KDM4B: variants seen among roughly 807,000 people sequenced by gnomAD.
The protein encoded by KDM4B is lysine-specific demethylase 4B.
Under a neutral mutation model 125.2 loss-of-function variants are expected in KDM4B, and 32 were observed. That is an observed-to-expected ratio of 0.26 (90% CI 0.19 to 0.34). The LOEUF is 0.34. KDM4B is among the 10% of genes least tolerant of loss of function. KDM4B has a pLI of 1.00. For synonymous variants in KDM4B, 721 were observed against 677.9 expected (o/e 1.06, Z -0.99); for missense variants, 1,190 against 1,577.7 (o/e 0.75, Z 4.16).
chr19:5,059,606 G>A (rs1301430142), intron 6 of KDM4B, among the ~76,000 whole-genome samples: 2 of 152,194 alleles, frequency 1.3e-5, no homozygotes, highest in South Asian at 4.1e-4. Flanking sequence ...CATGGCCATC[G>A]GCCTGTGTGT....
chr19:5,131,328 G>A lies in KDM4B; in HGVS notation c.1568G>A (p.Arg523Gln), dbSNP rs539215011. Residue 523 changes from arginine to glutamine, a missense_variant, in exon 12 of 23, where the codon CGG (arginine) becomes CAG (glutamine). This residue lies in a region of KDM4B where 428 missense variants were observed against 405.1 expected (regional missense o/e 1.06). Coordinates refer to ENST00000159111, the MANE Select transcript of KDM4B (RefSeq NM_015015.3). ...VPSEELEAKP[R>Q]PIIPMLYVVP... ...AGTGAGGAGCTAGAGGCCAAGCCTC[G>A]GCCCATCATCCCCATGCTGTACGTG... is the stretch of plus-strand genomic sequence containing the variant. The A allele has an allele frequency of 1.2e-5, 20 of 1,612,114 alleles. No individual in the cohort carries two copies. Among genetic ancestry groups the A allele is most frequent in the East Asian group, 4.5e-5 (2 of 44,726 alleles).
At chr19:5,105,798 C>G (rs866356449) in intron 9 of KDM4B, among the ~76,000 whole-genome samples, 1 of 152,192 alleles carries the variant, frequency 6.6e-6, no homozygotes, top group Non-Finnish European at 1.5e-5. Context: ...CCGTGCATTC[C>G]CCATCTTGAA....
At chr19:5,090,180 C>T (rs879717268) in intron 9 of KDM4B, among the ~76,000 whole-genome samples, 3 of 152,100 alleles carry the variant, frequency 2.0e-5, no homozygotes, top group Non-Finnish European at 2.9e-5. Context: ...GGGTCCTAGC[C>T]CCTGGGTCTG....
At chr19:5,099,944 A>C (rs764981856) in intron 9 of KDM4B, among the ~76,000 whole-genome samples, 14 of 152,258 alleles carry the variant, frequency 9.2e-5, no homozygotes, top group Non-Finnish European at 1.9e-4. Context: ...ATGGTTAGGC[A>C]ACAAAGTAGA....
chr19:5,006,934 C>T (rs1192917151), intron 1 of KDM4B, among the ~76,000 whole-genome samples: 3 of 152,112 alleles, frequency 2.0e-5, no homozygotes, highest in Admixed American at 6.5e-5. Context: ...AGTGACTCAA[C>T]GAGGAGCACC....
intron 3 of KDM4B, among the ~76,000 whole-genome samples, chr19:5,034,429 T>A (rs550231642): frequency 6.6e-6 from 1 of 152,360 alleles, no homozygotes; most frequent in South Asian, 2.1e-4. Context: ...TGAATGAAAG[T>A]GCACGGCCCT....
intron 6 of KDM4B, chr19:5,070,802 T>C: frequency 1.9e-6 from 1 of 517,592 alleles, no homozygotes; most frequent in Non-Finnish European, 3.5e-6. Flanking sequence ...CACTCCCCGC[T>C]CCTCCACCTG....
At chr19:5,019,110 G>A (rs1186181153) in intron 2 of KDM4B, among the ~76,000 whole-genome samples, 1 of 149,676 alleles carries the variant, frequency 6.7e-6, no homozygotes, top group Admixed American at 6.7e-5. Flanking sequence ...GCAGGTGTTG[G>A]TGTGGGTGTT....
At chr19:5,077,657 G>A (rs1442900333) in intron 8 of KDM4B, 187 bp downstream of exon 8, 2 of 575,862 alleles carry the variant, frequency 3.5e-6, no homozygotes, top group South Asian at 4.2e-5. Flanking sequence ...GGGAAGCGAA[G>A]ATGGCAGAGC....
intron 9 of KDM4B, among the ~76,000 whole-genome samples, chr19:5,091,185 T>C (rs1306187018): frequency 2.6e-5 from 4 of 152,218 alleles, no homozygotes; most frequent in Non-Finnish European, 5.9e-5. Flanking sequence ...TGGTGCCTGG[T>C]GCTGGTAGAT....
rs1357363769 is a variant in KDM4B, at chr19:5,032,844, CCT to C, written c.-25-16_-25-15del. The C allele has an allele frequency of 1.2e-6, 2 of 1,604,206 alleles. No homozygotes were observed. Among genetic ancestry groups the C allele is most frequent in the Middle Eastern group, 1.7e-4 (1 of 5,764 alleles). On this transcript the variant is annotated intron_variant, in intron 2 of 22. Coordinates refer to ENST00000159111, the MANE Select transcript of KDM4B (RefSeq NM_015015.3). ...GGGCATGGCGGCACCGCTGGTTCAC[CCT>C]CTCTCGTCTTCCTCCACAGGTGTGC...
At chr19:5,051,907 C>T (rs1484651728) in intron 6 of KDM4B, among the ~76,000 whole-genome samples, 6 of 152,212 alleles carry the variant, frequency 3.9e-5, no homozygotes, top group African/African-American at 1.2e-4. Flanking sequence ...CCTCTCCTGC[C>T]TCTGTTTACC....
At chr19:5,098,098 A>C (rs184778882) in intron 9 of KDM4B, among the ~76,000 whole-genome samples, 62 of 152,372 alleles carry the variant, frequency 4.1e-4, no homozygotes, top group South Asian at 3.5e-3. Context: ...CACAGCCCCC[A>C]GCTGGGCCAG....
At chr19:5,004,622 T>A (rs1031705420) in intron 1 of KDM4B, among the ~76,000 whole-genome samples, 2 of 152,160 alleles carry the variant, frequency 1.3e-5, no homozygotes, top group African/African-American at 4.8e-5. Context: ...CCCAGTTTCA[T>A]GTAGTTGAGA....
chr19:4,979,816 A>G lies in KDM4B; in HGVS notation c.-109+10586A>G, dbSNP rs142333078. Among the ~76,000 whole-genome samples the G allele has an allele frequency of 6.4e-3, 969 of 152,322 alleles. 8 individuals are homozygous for G. The highest frequency in any genetic ancestry group is 0.034 in the South Asian group (165 of 4,828). ...GAAATTCATCTTCTTAAAGTATACA[A>G]TTCAGGCTGGGCACAGCGGCTCATG... On this transcript the variant is annotated intron_variant, in intron 1 of 22. Transcript: ENST00000159111.
rs140310436 is a variant in KDM4B at position 5,107,977 on chromosome 19, C to G, written c.919-2645C>G. Among the ~76,000 whole-genome samples, 296 of 152,370 alleles carry G rather than the reference C, an allele frequency of 1.9e-3. 5 individuals carry two copies. In the East Asian group the frequency reaches 0.05, roughly 26 times the overall value. The stretch of plus-strand genomic sequence containing the variant: ...GAATGCTCCCAGCCGCCACCTCCTT[C>G]CAGTCCAGCCGTGGGCAGCCTGGCA... On this transcript the variant is annotated intron_variant, in intron 9 of 22. Coordinates refer to ENST00000159111, the MANE Select transcript of KDM4B (RefSeq NM_015015.3).
At position 5,102,703 on chromosome 19, in the gene KDM4B, CGACGGGT is replaced by C. The variant is rs890262211; in HGVS notation, c.919-7902_919-7896del. On this transcript the variant is annotated intron_variant, in intron 9 of 22. Transcript: ENST00000159111. ...CCCTTCACCGGCAATGGGCGGCGGG[CGACGGGT>C]GACGGGTGACGGGTGATGGGTGCAG... Among the ~76,000 whole-genome samples the C allele has an allele frequency of 3.6e-3, 555 of 152,186 alleles. 2 individuals carry two copies. The highest frequency in any genetic ancestry group is 7.1e-3 in the South Asian group (34 of 4,822).
chr19:5,138,921 GA>G (rs2039695449), intron 18 of KDM4B, among the ~76,000 whole-genome samples: 1 of 152,118 alleles, frequency 6.6e-6, no homozygotes, highest in Non-Finnish European at 1.5e-5. Flanking sequence ...ATTCTTCTGC[GA>G]CCGGCTTCTT....
chr19:4,980,421 CT>C (rs572345837), intron 1 of KDM4B, among the ~76,000 whole-genome samples: 1,819 of 109,688 alleles, frequency 0.017, 10 homozygotes, highest in African/African-American at 0.029. Context: ...CCTTTTCTTT[CT>C]TTTTTTTTTT....
Sources: gnomAD v4.1 joint callset for allele counts (sites outside exome capture counted in the v4.1 genomes callset) on GRCh38, gnomAD v4.1.1 for gene constraint, gnomAD v4.1.1 regional missense constraint, MANE v1.5 for transcripts, NCBI Gene and HGNC (gene_info 2026-07-23, HGNC 2026-07-21) for gene names.